The following ARFGEF1 variants were observed in gnomAD, a reference collection of about 807,000 sequenced individuals.
ARFGEF1 encodes the protein ARF guanine nucleotide exchange factor 1.
In ARFGEF1, 42 loss-of-function variants were observed where a neutral mutation model predicts 231.0. The ratio of observed to expected loss-of-function variants is 0.18; its 90% CI spans 0.14 to 0.24. The LOEUF (loss-of-function observed/expected upper bound fraction) is 0.24, where lower values mean the gene tolerates loss of function less well. Among genes scored for constraint, ARFGEF1 ranks in the 10% least tolerant of loss-of-function variants. The probability of loss-of-function intolerance (pLI) is 1.00; values close to 1 mark genes in which losing one functional copy is unlikely to be tolerated. For synonymous variants in ARFGEF1, 710 were observed against 732.3 expected, an observed-to-expected ratio of 0.97 and a Z score of 0.49; for missense variants, 1,345 against 2,192.0, an observed-to-expected ratio of 0.61 and a Z score of 7.72.
chr8:67,304,006 T>C (rs539024916), intron 1 of ARFGEF1, among the ~76,000 whole-genome samples: 1 of 152,302 alleles, frequency 6.6e-6, no homozygotes, highest in Admixed American at 6.5e-5. Context: ...GTATGGCTAA[T>C]CAGGTTTCAA....
downstream of ARFGEF1, among the ~76,000 whole-genome samples, chr8:67,193,765 A>T (rs7820540): frequency 3.9e-4 from 59 of 152,348 alleles, no homozygotes; most frequent in African/African-American, 1.4e-3. Flanking sequence ...ACCAGACCTC[A>T]GGATGCAGTT....
chr8:67,283,076 C>T (rs373069444), intron 7 of ARFGEF1, among the ~76,000 whole-genome samples: 8 of 152,094 alleles, frequency 5.3e-5, no homozygotes, highest in African/African-American at 1.9e-4. Flanking sequence ...TTGGAATATA[C>T]AAAATGGCCA....
intron 19 of ARFGEF1, among the ~76,000 whole-genome samples, chr8:67,241,080 C>T (rs1373934768): frequency 6.6e-6 from 1 of 152,012 alleles, no homozygotes; most frequent in Non-Finnish European, 1.5e-5. Context: ...TCTATCAGTG[C>T]GCTATAGAAA....
chr8:67,249,554 T>C (rs537695886), intron 19 of ARFGEF1, among the ~76,000 whole-genome samples: 1 of 150,740 alleles, frequency 6.6e-6, no homozygotes, highest in South Asian at 2.1e-4. Context: ...TAGAATATTA[T>C]GAATTAGGGA....
intron 34 of ARFGEF1, among the ~76,000 whole-genome samples, chr8:67,210,054 C>G (rs533736719): frequency 5.7e-4 from 85 of 149,608 alleles, no homozygotes; most frequent in Non-Finnish European, 9.3e-4. Flanking sequence ...ACTCGGGAGG[C>G]TGAGGCAGGA....
intron 3 of ARFGEF1, 41 bp downstream of exon 3, chr8:67,301,179 ACATT>A (rs1255103524): frequency 6.7e-7 from 1 of 1,492,006 alleles, no homozygotes; most frequent in African/African-American, 1.4e-5. Flanking sequence ...TTTTAGAAAC[ACATT>A]CAAAGTACAC....
At chr8:67,319,983 G>A (rs899992115) in intron 1 of ARFGEF1, among the ~76,000 whole-genome samples, 3 of 152,000 alleles carry the variant, frequency 2.0e-5, no homozygotes, top group African/African-American at 7.3e-5. Context: ...CACTTTGGGA[G>A]GCCGAGGCGG....
At chr8:67,289,280 CAGGGGGGG>C (rs1805895397) in intron 6 of ARFGEF1, among the ~76,000 whole-genome samples, 1 of 152,006 alleles carries the variant, frequency 6.6e-6, no homozygotes, top group Non-Finnish European at 1.5e-5. Context: ...CAGCTGAGCA[CAGGGGGGG>C]TCACACCTGT....
chr8:67,218,207 A>AAAAAAAAAATAT (rs1491555936), intron 30 of ARFGEF1, 69 bp from the exon 31 acceptor site: 1 of 90,836 alleles, frequency 1.1e-5, no homozygotes, highest in Admixed American at 1.4e-4. Flanking sequence ...AAAAAAAAAA[A>AAAAAAAAAATAT]ATATATATAT....
chr8:67,243,584 T>C (rs995658409), intron 19 of ARFGEF1, among the ~76,000 whole-genome samples: 6 of 152,200 alleles, frequency 3.9e-5, no homozygotes, highest in Non-Finnish European at 8.8e-5. Flanking sequence ...GGTAAGGATA[T>C]AGCCAAACCG....
chr8:67,218,477 C>T (rs1040840941), intron 30 of ARFGEF1, among the ~76,000 whole-genome samples: 32 of 151,434 alleles, frequency 2.1e-4, no homozygotes, highest in Admixed American at 1.6e-3. Flanking sequence ...TGAATAGCAA[C>T]GCCGGCCTTG....
chr8:67,211,489 T>A lies in ARFGEF1; in HGVS notation c.4813A>T (p.Thr1605Ser). 1 of 1,572,550 alleles carries A rather than the reference T, an allele frequency of 6.4e-7. No individual in the cohort carries two copies. The highest frequency in any genetic ancestry group is 8.6e-7 in the Non-Finnish European group (1 of 1,163,756). Residue 1605 changes from threonine to serine, a missense_variant, in exon 34 of 39, where the codon ACA (threonine) becomes TCA (serine). Transcript: ENST00000262215. ...ATTTAGAGAAATAACTCACTTGCTG[T>A]AGATTTAATTTTGCTGACTTCTTCA... ...VNEEVSKIKS[T>S]AKFPEQKLFA...
chr8:67,237,301 C>T (rs1368430806), intron 22 of ARFGEF1, among the ~76,000 whole-genome samples: 1 of 152,188 alleles, frequency 6.6e-6, no homozygotes, highest in Non-Finnish European at 1.5e-5. Context: ...CCAGACCTTA[C>T]AATACTATAG....
intron 17 of ARFGEF1, among the ~76,000 whole-genome samples, chr8:67,257,107 T>C (rs1003068318): frequency 1.1e-4 from 17 of 152,030 alleles, no homozygotes; most frequent in African/African-American, 4.1e-4. Flanking sequence ...AGACGGGGTC[T>C]GCCCTCTGTC....
downstream of ARFGEF1, chr8:67,193,491 G>A (rs1417746857): frequency 1.9e-6 from 3 of 1,613,614 alleles, no homozygotes; most frequent in South Asian, 3.3e-5. Context: ...TGTAGCACCA[G>A]ATGGTCTCTC....
intron 1 of ARFGEF1, among the ~76,000 whole-genome samples, chr8:67,331,485 T>C (rs78186596): frequency 0.016 from 2,449 of 152,286 alleles, 70 homozygotes; most frequent in African/African-American, 0.057. Context: ...TCACCAGATA[T>C]GGAATCTGTC....
intron 9 of ARFGEF1, among the ~76,000 whole-genome samples, chr8:67,274,222 A>G (rs530556392): frequency 6.6e-6 from 1 of 152,198 alleles, no homozygotes; most frequent in Admixed American, 6.5e-5. Context: ...TCAGGCTTCA[A>G]GAACATTTCC....
chr8:67,232,760 G>T (rs976668195), intron 23 of ARFGEF1, 95 bp downstream of exon 23: 7 of 894,870 alleles, frequency 7.8e-6, no homozygotes, highest in African/African-American at 6.9e-5. Flanking sequence ...TTAGAAAAAT[G>T]ATTTTGGCAA....
At chr8:67,232,201 G>C (rs1293919804) in intron 23 of ARFGEF1, among the ~76,000 whole-genome samples, 1 of 151,954 alleles carries the variant, frequency 6.6e-6, no homozygotes, top group African/African-American at 2.4e-5. Context: ...TAGGGGGTGG[G>C]AGGAAGAAAA....
Sources: allele counts gnomAD v4.1 joint callset (sites outside exome capture counted in the v4.1 genomes callset), GRCh38; gene constraint gnomAD v4.1.1; transcripts MANE v1.5; gene names NCBI Gene and HGNC (gene_info 2026-07-23, HGNC 2026-07-21).